Variants in SLC7A11 observed in about 807,000 individuals in gnomAD.
SLC7A11 encodes the protein cystine/glutamate transporter.
In SLC7A11, 35 loss-of-function variants were observed where a neutral mutation model predicts 54.5. The ratio of observed to expected loss-of-function variants is 0.64; its 90% confidence interval spans 0.49 to 0.85. The LOEUF (loss-of-function observed/expected upper bound fraction) is 0.85, where lower values mean the gene tolerates loss of function less well. Ranked by LOEUF, SLC7A11 falls within the 40% of genes least tolerant of loss-of-function variation. The pLI is 0.00. For synonymous variants in SLC7A11, 230 were observed against 225.2 expected (o/e 1.02, Z -0.19); for missense variants, 583 against 618.1 (o/e 0.94, Z 0.60).
intron 2 of SLC7A11, among the ~76,000 whole-genome samples, chr4:138,234,193 C>CATATATT (rs1249128963): frequency 2.0e-5 from 3 of 152,140 alleles, no homozygotes; most frequent in African/African-American, 7.2e-5. Flanking sequence ...ATAGTGGAAA[C>CATATATT]CCAATATATA....
chr4:138,189,696 ACAC>A (rs1181859240), intron 6 of SLC7A11, among the ~76,000 whole-genome samples: 2 of 152,186 alleles, frequency 1.3e-5, no homozygotes, highest in Non-Finnish European at 1.5e-5. Flanking sequence ...AAAAACATTC[ACAC>A]CACAAGTAAA....
chr4:138,215,297 C>CAATATGTAAAATATTAAAA lies in SLC7A11; in HGVS notation c.747-669_747-668insTTTTAATATTTTACATATT, dbSNP rs1281539297. On this transcript the variant is annotated intron_variant, in intron 5 of 11. Coordinates refer to ENST00000280612, the MANE Select transcript of SLC7A11 (RefSeq NM_014331.4). ...ATTATCTTATTATTATTAAAAGTAA[C>CAATATGTAAAATATTAAAA]CTTTTACATAGGTATGCAGGAGCAC... is the stretch of plus-strand genomic sequence containing the variant. Among the ~76,000 whole-genome samples, 16 of 152,104 alleles carry CAATATGTAAAATATTAAAA rather than the reference C, an allele frequency of 1.1e-4. No homozygotes were observed. In the South Asian group the frequency reaches 2.9e-3, roughly 28 times the overall value.
At chr4:138,199,286 CA>C (rs1737213382) in intron 6 of SLC7A11, among the ~76,000 whole-genome samples, 2 of 151,418 alleles carry the variant, frequency 1.3e-5, no homozygotes, top group African/African-American at 4.9e-5. Context: ...TTAATTTCAT[CA>C]TATTTTTTTG....
chr4:138,172,968 C>T (rs1287297765), intron 11 of SLC7A11, among the ~76,000 whole-genome samples: 2 of 152,028 alleles, frequency 1.3e-5, no homozygotes. Flanking sequence ...CTCAGCCTCC[C>T]AAGTAGCTGG....
chr4:138,232,296 G>A lies in SLC7A11; in HGVS notation c.491C>T (p.Ala164Val), dbSNP rs185660640. The A allele has an allele frequency of 1.9e-5, 30 of 1,611,488 alleles. No individual in the cohort carries two copies. The highest frequency in any genetic ancestry group is 4.4e-5 in the South Asian group (4 of 91,018). The change falls in exon 3 of 12, where the codon GCG becomes GTG. Residue 164 changes from alanine (A) to valine (V), a missense_variant. Transcript: ENST00000280612. ...FFIQCEIPEL[A>V]IKLITAVGIT... is the part of the protein sequence containing the mutation. ...GCCCACAGCTGTAATGAGCTTGATC[G>A]CAAGTTCAGGGATTTCACATTGAAT...
At chr4:138,240,627 C>T (rs1029787549) in intron 1 of SLC7A11, among the ~76,000 whole-genome samples, 2 of 148,248 alleles carry the variant, frequency 1.3e-5, no homozygotes, top group Non-Finnish European at 3.0e-5. Flanking sequence ...TGATTTAAAA[C>T]ATCACAAGGC....
At chr4:138,176,788 C>G (rs1029773468) in intron 11 of SLC7A11, 1 of 152,144 alleles carries the variant, frequency 6.6e-6, no homozygotes, top group Non-Finnish European at 1.5e-5. Flanking sequence ...AGACAGATTT[C>G]ACAGCGATGA....
At chr4:138,219,436 T>C (rs1451245281) in intron 4 of SLC7A11, 71 bp from the exon 5 acceptor site, 5 of 854,402 alleles carry the variant, frequency 5.9e-6, no homozygotes, top group Admixed American at 5.8e-5. Flanking sequence ...ACCAGAAACA[T>C]GGGGGTGCGG....
At chr4:138,233,537 G>A (rs1738133573) in intron 2 of SLC7A11, among the ~76,000 whole-genome samples, 2 of 151,762 alleles carry the variant, frequency 1.3e-5, no homozygotes, top group African/African-American at 2.4e-5. Context: ...CTTTCTTCTC[G>A]TGGTTACCCA....
intron 6 of SLC7A11, among the ~76,000 whole-genome samples, chr4:138,213,816 T>C (rs1216264549): frequency 6.6e-6 from 1 of 152,120 alleles, no homozygotes; most frequent in Non-Finnish European, 1.5e-5. Flanking sequence ...CCCAGCACAA[T>C]GATTGGAACA....
chr4:138,228,669 G>A (rs1046648334), intron 3 of SLC7A11, among the ~76,000 whole-genome samples: 42 of 145,966 alleles, frequency 2.9e-4, no homozygotes, highest in African/African-American at 1.1e-3. Context: ...TGAGGCAGGA[G>A]AATGGCGTGA....
At chr4:138,194,936 C>T (rs1475366271) in intron 6 of SLC7A11, among the ~76,000 whole-genome samples, 1 of 152,176 alleles carries the variant, frequency 6.6e-6, no homozygotes, top group Admixed American at 6.6e-5. Context: ...AGCCCACTTG[C>T]TCATGTAACA....
At chr4:138,220,324 C>G (rs1737781742) in intron 4 of SLC7A11, among the ~76,000 whole-genome samples, 1 of 152,138 alleles carries the variant, frequency 6.6e-6, no homozygotes, top group Admixed American at 6.5e-5. Context: ...GAAGTATTGC[C>G]TATGGCTGAT....
intron 3 of SLC7A11, among the ~76,000 whole-genome samples, chr4:138,230,499 G>T (rs1441806463): frequency 1.3e-5 from 2 of 151,380 alleles, no homozygotes; most frequent in Non-Finnish European, 2.9e-5. Flanking sequence ...AGCTATTCAA[G>T]ATATTAATAG....
At position 138,197,551 on chromosome 4, in the gene SLC7A11, T is replaced by C. The variant is rs140000123; in HGVS notation, c.792-12307A>G. ...TTGGACTATAAAAGACTCAGCCATATACATGGACTATATCTTTATATAGAG... is the reference window on the plus strand; with the variant it reads ...TTGGACTATAAAAGACTCAGCCATACACATGGACTATATCTTTATATAGAG... On this transcript the variant is annotated intron_variant, in intron 6 of 11. Transcript: ENST00000280612. 5.3e-3 allele frequency among the ~76,000 whole-genome samples: 807 copies of C among 152,218 alleles called. 5 individuals carry two copies. The highest frequency in any genetic ancestry group is 9.0e-3 in the Non-Finnish European group (615 of 67,970).
At chr4:138,228,749 A>T (rs1738002741) in intron 3 of SLC7A11, among the ~76,000 whole-genome samples, 1 of 115,956 alleles carries the variant, frequency 8.6e-6, no homozygotes, top group Non-Finnish European at 1.8e-5. Context: ...ACAGAGCAAG[A>T]CTCCGTCTCA....
chr4:138,236,887 G>C (rs1191960106), intron 1 of SLC7A11, among the ~76,000 whole-genome samples: 4 of 151,302 alleles, frequency 2.6e-5, no homozygotes, highest in African/African-American at 9.7e-5. Flanking sequence ...TATTTTTTGA[G>C]AACCCTTTTA....
At position 138,229,735 on chromosome 4, in the gene SLC7A11, A is replaced by T. The variant is rs2037027; in HGVS notation, c.520+2532T>A. On this transcript the variant is annotated intron_variant, in intron 3 of 11. Coordinates refer to ENST00000280612, the MANE Select transcript of SLC7A11 (RefSeq NM_014331.4). ...TTAATTGAATTGGGATAAACAAGAA[A>T]AGAGTTATCTAGACTTATAAAAACA... 1.8e-3 allele frequency among the ~76,000 whole-genome samples: 277 copies of T among 152,204 alleles called. 2 individuals are homozygous for T. The highest frequency in any genetic ancestry group is 6.1e-3 in the African/African-American group (254 of 41,486).
At chr4:138,188,695 G>A (rs1198620211) in intron 6 of SLC7A11, among the ~76,000 whole-genome samples, 1 of 152,134 alleles carries the variant, frequency 6.6e-6, no homozygotes, top group African/African-American at 2.4e-5. Context: ...CAAGATTAAG[G>A]CAAATGGCAC....
Sources: gnomAD v4.1 joint callset for allele counts (sites outside exome capture counted in the v4.1 genomes callset) on GRCh38, gnomAD v4.1.1 for gene constraint, MANE v1.5 for transcripts, NCBI Gene and HGNC (gene_info 2026-07-23, HGNC 2026-07-21) for gene names.